The following TVP23C variants were observed in gnomAD, a reference collection of about 807,000 sequenced individuals.
TVP23C encodes the protein Golgi apparatus membrane protein TVP23 homolog C.
A neutral mutation model predicts 28.7 loss-of-function variants in TVP23C; 19 were observed. That is an observed-to-expected ratio of 0.66 (90% CI 0.46 to 0.97). The LOEUF is 0.97. Ranked by LOEUF, TVP23C falls within the 50% of genes least tolerant of loss-of-function variation. TVP23C has a pLI of 0.00. For missense variants in TVP23C, 186 were observed against 241.3 expected, an observed-to-expected ratio of 0.77 and a Z score of 1.52; for synonymous variants, 68 against 81.7, an observed-to-expected ratio of 0.83 and a Z score of 0.90.
At chr17:15,560,707 C>CA (rs1984341903) in intron 1 of TVP23C, among the ~76,000 whole-genome samples, 1 of 148,390 alleles carries the variant, frequency 6.7e-6, no homozygotes, top group Non-Finnish European at 1.5e-5. Flanking sequence ...AGCTGCCCAC[C>CA]ACCACCCCTG....
intron 5 of TVP23C, among the ~76,000 whole-genome samples, chr17:15,515,394 G>C (rs1034430807): frequency 2.6e-5 from 4 of 152,168 alleles, no homozygotes; most frequent in Non-Finnish European, 5.9e-5. Context: ...CCTAAGACAA[G>C]CACCCATGTG....
chr17:15,545,254 GT>G (rs1983591050), intron 5 of TVP23C, among the ~76,000 whole-genome samples: 1 of 152,122 alleles, frequency 6.6e-6, no homozygotes, highest in Non-Finnish European at 1.5e-5. Flanking sequence ...CACGTAAGCA[GT>G]CCCACCACCA....
At chr17:15,542,186 A>C (rs1597533300) in intron 5 of TVP23C, among the ~76,000 whole-genome samples, 1 of 152,374 alleles carries the variant, frequency 6.6e-6, no homozygotes, top group East Asian at 1.9e-4. Flanking sequence ...ATCCCCAGGA[A>C]CTTATAGAAA....
chr17:15,539,700 G>C lies in TVP23C; in HGVS notation c.*712C>G, dbSNP rs1239242839. 2.0e-6 allele frequency: 2 copies of C among 985,010 alleles called. No homozygotes were observed. Among genetic ancestry groups the C allele is most frequent in the African/African-American group, 3.5e-5 (2 of 57,128 alleles). The allele number at this position is 985,010 out of a possible 1,614,324, so 61.0% of individuals were successfully genotyped here. A position where few individuals can be genotyped will look rare whatever the true frequency, so the allele number is the denominator to read the frequency against. On this transcript the variant is annotated 3_prime_UTR_variant, in exon 6 of 6. Coordinates refer to ENST00000518321, the MANE Select transcript of TVP23C (RefSeq NM_001135036.2). Reference sequence around the variant, plus strand: ...TACTCATCCTGCTGAAAACCCTGATGTTGAGGTATTATAGTAAAATCCTTA... The same window carrying C: ...TACTCATCCTGCTGAAAACCCTGATCTTGAGGTATTATAGTAAAATCCTTA...
intron 5 of TVP23C, among the ~76,000 whole-genome samples, chr17:15,517,957 G>A (rs1982302547): frequency 6.6e-6 from 1 of 152,108 alleles, no homozygotes; most frequent in Admixed American, 6.6e-5. Flanking sequence ...ATGAGGTCAG[G>A]AGATCGAGGC....
chr17:15,551,681 C>T (rs61675082), intron 3 of TVP23C, among the ~76,000 whole-genome samples: 140,615 of 149,968 alleles, frequency 0.94, 66,169 homozygotes, highest in Non-Finnish European at 0.99. Context: ...TTTTTGTGTG[C>T]GATTTTTTTT....
rs1210053614 is a variant in TVP23C, at chr17:15,538,522, G to A, written c.*1890C>T. 2 of 836,196 alleles carry A rather than the reference G, an allele frequency of 2.4e-6. No homozygotes were observed. The highest frequency in any genetic ancestry group is 2.9e-6 in the Non-Finnish European group (2 of 693,972). The allele number at this position is 836,196 out of a possible 1,614,324, so 51.8% of individuals were successfully genotyped here. The stretch of plus-strand genomic sequence containing the variant: ...GAAGAATAGTATGAACCCGGGAGGT[G>A]GAGTTTGCAGTGAGCCGAGATCGCG... On this transcript the variant is annotated 3_prime_UTR_variant, in exon 6 of 6. Transcript: ENST00000518321.
rs2150846581 is a variant in TVP23C at position 15,537,934 on chromosome 17, T to C, written c.*2478A>G. On this transcript the variant is annotated 3_prime_UTR_variant, in exon 6 of 6. Transcript: ENST00000518321. ...CAATGTTTCTAGTGCCAACATATAC[T>C]TTCTAGCCCCAACTGCTGGAAAGGA... 1.4e-6 allele frequency: 2 copies of C among 1,444,914 alleles called. No homozygotes were observed. The allele number at this position is 1,444,914 out of a possible 1,614,324, so 89.5% of individuals were successfully genotyped here.
At chr17:15,504,671 C>T (rs945099384) in intron 5 of TVP23C, among the ~76,000 whole-genome samples, 2 of 151,990 alleles carry the variant, frequency 1.3e-5, no homozygotes, top group Non-Finnish European at 2.9e-5. Flanking sequence ...CAAGCTGGGA[C>T]TACAGGCACG....
At chr17:15,524,568 T>C (rs1263564964) in intron 5 of TVP23C, among the ~76,000 whole-genome samples, 1 of 152,198 alleles carries the variant, frequency 6.6e-6, no homozygotes, top group Non-Finnish European at 1.5e-5. Context: ...CATTCTCTGA[T>C]GAGGAAGGAG....
At chr17:15,542,845 A>G (rs1053650935) in intron 5 of TVP23C, among the ~76,000 whole-genome samples, 13 of 152,222 alleles carry the variant, frequency 8.5e-5, no homozygotes, top group Admixed American at 8.5e-4. Context: ...GACCTTGGTG[A>G]TTACCTTGAG....
At chr17:15,508,716 T>C (rs1180740560) in intron 5 of TVP23C, among the ~76,000 whole-genome samples, 2 of 152,246 alleles carry the variant, frequency 1.3e-5, no homozygotes, top group Non-Finnish European at 1.5e-5. Context: ...CAAACGAGCA[T>C]GGGCCAAGGT....
At chr17:15,509,802 AGAAG>A (rs1376819517) in intron 5 of TVP23C, among the ~76,000 whole-genome samples, 1 of 152,234 alleles carries the variant, frequency 6.6e-6, no homozygotes, top group Admixed American at 6.5e-5. Context: ...GCTCCAGGTT[AGAAG>A]GAAGTGCTCC....
At position 15,558,815 on chromosome 17, in the gene TVP23C, G is replaced by A. The variant is rs546028401; in HGVS notation, c.13-3451C>T. Among the ~76,000 whole-genome samples the A allele has an allele frequency of 4.7e-4, 69 of 147,420 alleles. 8 individuals are homozygous for A. The highest frequency in any genetic ancestry group is 4.1e-3 in the Admixed American group (60 of 14,586). On this transcript the variant is annotated intron_variant, in intron 1 of 5. Coordinates refer to ENST00000518321, the MANE Select transcript of TVP23C (RefSeq NM_001135036.2). ...CAACAGTACATATGACTTCACTGCC[G>A]CAGTAGCAACAGGAAATTTATACAG...
chr17:15,515,535 C>T lies in TVP23C; in HGVS notation c.463-12303G>A, dbSNP rs73978051. On this transcript the variant is annotated intron_variant, in intron 5 of 5. Coordinates refer to the TVP23C transcript ENST00000225576. ...AATGAAAAATGAACTACACGAGATACGATTTTCATGCTGAAAAAGTACTTT... is the reference window on the plus strand; with the variant it reads ...AATGAAAAATGAACTACACGAGATATGATTTTCATGCTGAAAAAGTACTTT... 5.3e-3 allele frequency among the ~76,000 whole-genome samples: 814 copies of T among 152,218 alleles called. 6 individuals are homozygous for T. Among genetic ancestry groups the T allele is most frequent in the African/African-American group, 0.019 (777 of 41,528 alleles).
chr17:15,518,119 G>T (rs543909711), intron 5 of TVP23C, among the ~76,000 whole-genome samples: 1 of 133,710 alleles, frequency 7.5e-6, no homozygotes, highest in African/African-American at 2.8e-5. Context: ...AGTCAGCCGA[G>T]ATCACATCAC....
intron 1 of TVP23C, among the ~76,000 whole-genome samples, chr17:15,556,415 G>A (rs943403141): frequency 1.4e-5 from 2 of 146,112 alleles, no homozygotes; most frequent in South Asian, 2.2e-4. Flanking sequence ...AGGCTGGAGT[G>A]CAGTGGCGTG....
chr17:15,509,813 C>T (rs12953212), intron 5 of TVP23C, among the ~76,000 whole-genome samples: 17,231 of 152,276 alleles, frequency 0.11, 1,130 homozygotes, highest in Middle Eastern at 0.18. Flanking sequence ...GAAGGAAGTG[C>T]TCCTTCCCTG....
At chr17:15,502,873 T>C in exon 6 of TVP23C, 1 of 1,585,464 alleles carries the variant, frequency 6.3e-7, no homozygotes, top group South Asian at 1.1e-5. Flanking sequence ...TTTAATGCAT[T>C]CCGGATGCCA....
Sources: allele counts gnomAD v4.1 joint callset (sites outside exome capture counted in the v4.1 genomes callset), GRCh38; gene constraint gnomAD v4.1.1; transcripts MANE v1.5; gene names NCBI Gene and HGNC (gene_info 2026-07-23, HGNC 2026-07-21).